The following SEC31A variants were observed in gnomAD, a reference collection of about 807,000 sequenced individuals.
SEC31A encodes the protein protein transport protein Sec31A.
Under a neutral mutation model 151.0 loss-of-function variants are expected in SEC31A, and 70 were observed. The observed-to-expected ratio is 0.46, with a 90% CI of 0.38 to 0.57. SEC31A has a LOEUF of 0.57. Among genes scored for constraint, SEC31A ranks in the 20% least tolerant of loss-of-function variants. The pLI is 0.00. For synonymous variants in SEC31A, 475 were observed against 505.9 expected (o/e 0.94, Z 0.82); for missense variants, 1,330 against 1,471.2 (o/e 0.90, Z 1.57).
Position 82,891,116 on chromosome 4 carries a change from T to C in SEC31A, c.-33A>G, listed in dbSNP as rs766887078. 20 of 1,535,832 alleles carry C rather than the reference T, an allele frequency of 1.3e-5. No individual in the cohort carries two copies. The South Asian group carries it at 2.1e-4, about 16-fold the overall frequency. On this transcript the variant is annotated 5_prime_UTR_variant, in exon 1 of 27. Coordinates refer to ENST00000395310, the MANE Select transcript of SEC31A (RefSeq NM_001077207.4). Reference sequence around the variant, plus strand: ...GCGAGGACCTTCGGCAGCCGGATCCTGCGTTAGTGCAGCGCTCGTCGGACT... The same window carrying C: ...GCGAGGACCTTCGGCAGCCGGATCCCGCGTTAGTGCAGCGCTCGTCGGACT...
In SEC31A at chr4:82,881,212, TC is replaced by T. The variant is rs1315665375; in HGVS notation, c.80-291del. Among the ~76,000 whole-genome samples the T allele has an allele frequency of 3.9e-5, 6 of 152,158 alleles. No homozygotes were observed. The East Asian group carries it at 1.2e-3, about 29-fold the overall frequency. On this transcript the variant is annotated intron_variant, in intron 2 of 26. Coordinates refer to ENST00000395310, the MANE Select transcript of SEC31A (RefSeq NM_001077207.4). ...TGGGCACGGTGGCTCATGCCTGTAA[TC>T]CCAGCACTTTGGGAGGCCGAGATGG... is the stretch of plus-strand genomic sequence containing the variant.
At chr4:82,846,366 C>CATCATCATAATAATA (rs1553928443) in intron 20 of SEC31A, among the ~76,000 whole-genome samples, 10 of 140,546 alleles carry the variant, frequency 7.1e-5, no homozygotes, top group African/African-American at 2.6e-4. Flanking sequence ...AACTCCAAAA[C>CATCATCATAATAATA]ATAATAATAA....
intron 18 of SEC31A, among the ~76,000 whole-genome samples, chr4:82,852,175 C>A (rs890084112): frequency 1.3e-5 from 2 of 152,162 alleles, no homozygotes; most frequent in Non-Finnish European, 2.9e-5. Context: ...GTAAGACGTG[C>A]CTTTGCTCCT....
At chr4:82,889,642 T>C (rs1741807748) in intron 1 of SEC31A, among the ~76,000 whole-genome samples, 1 of 152,042 alleles carries the variant, frequency 6.6e-6, no homozygotes, top group African/African-American at 2.4e-5. Flanking sequence ...CGTAAGACAG[T>C]GAAATCCCCC....
rs764231253 is a variant in SEC31A at position 82,854,947 on chromosome 4, G to A, written c.1964C>T (p.Ala655Val). 2 of 1,613,824 alleles carry A rather than the reference G, an allele frequency of 1.2e-6. No homozygotes were observed. Among genetic ancestry groups the A allele is most frequent in the East Asian group, 2.2e-5 (1 of 44,832 alleles). The change falls in exon 17 of 27, where the codon GCA (alanine) becomes GTA (valine). Residue 655 changes from alanine (A) to valine (V), a missense_variant. By Grantham distance (64) the Ala-to-Val change is moderately conservative. Transcript: ENST00000395310. ...DLKNWREALA[A>V]VLTYAKPDEF... The stretch of plus-strand genomic sequence containing the variant: ...ATCCGGCTTTGCATAAGTCAATACT[G>A]CAGCTAAAGCCTCTCTCCAATTTTT...
chr4:82,868,507 A>T (rs1320601042), intron 8 of SEC31A, among the ~76,000 whole-genome samples: 1 of 113,654 alleles, frequency 8.8e-6, no homozygotes, highest in African/African-American at 2.7e-5. Context: ...ACAAAAAAAT[A>T]ATTAATAGTA....
In SEC31A at chr4:82,819,116, A is replaced by C; in HGVS notation, c.3621T>G (p.Val1207=). Residue 1207 remains valine, a synonymous_variant, in exon 27 of 27, where the codon GTT becomes GTG. Transcript: ENST00000395310. ...NFSETSAFMP[V]LKVVLTQANK... ...TGGCCTGGGTGAGAACAACTTTGAG[A>C]ACTGGCATGAAAGCAGAGGTCTCAC... 1 of 1,612,014 alleles carries C rather than the reference A, an allele frequency of 6.2e-7. No individual in the cohort carries two copies. Among genetic ancestry groups the C allele is most frequent in the Non-Finnish European group, 8.5e-7 (1 of 1,179,010 alleles).
rs748793684 is a variant in SEC31A, at chr4:82,878,862, A to C, written c.270T>G (p.Ile90Met). The C allele has an allele frequency of 6.2e-7, 1 of 1,614,056 alleles. No individual in the cohort carries two copies. The highest frequency in any genetic ancestry group is 1.1e-5 in the South Asian group (1 of 91,082). Reference protein sequence around the residue: ...DSKGDVSGVLIAGGENGNIIL... With the variant: ...DSKGDVSGVLMAGGENGNIIL... Reference sequence around the variant, plus strand: ...TAATATTTCCATTTTCACCACCTGCAATCAGAACTCCAGAGACATCTCCTT... The same window carrying C: ...TAATATTTCCATTTTCACCACCTGCCATCAGAACTCCAGAGACATCTCCTT... The change falls in exon 4 of 27, where the codon ATT (isoleucine) becomes ATG (methionine). Residue 90 changes from isoleucine to methionine, a missense_variant. Coordinates refer to ENST00000395310, the MANE Select transcript of SEC31A (RefSeq NM_001077207.4).
At chr4:82,829,118 T>C in intron 22 of SEC31A, 60 bp from the exon 23 acceptor site, 1 of 1,373,972 alleles carries the variant, frequency 7.3e-7, no homozygotes, top group Non-Finnish European at 1.0e-6. Context: ...AAAATAAAAC[T>C]GAATCGATCA....
upstream of SEC31A, among the ~76,000 whole-genome samples, chr4:82,891,631 T>C (rs1008564968): frequency 6.6e-6 from 1 of 152,244 alleles, no homozygotes; most frequent in Non-Finnish European, 1.5e-5. Flanking sequence ...ACCCACTTGA[T>C]TGCACATTCT....
chr4:82,842,268 G>C lies in SEC31A; in HGVS notation c.2840C>G (p.Pro947Arg), dbSNP rs376680544. 13 of 1,613,950 alleles carry C rather than the reference G, an allele frequency of 8.1e-6. No individual in the cohort carries two copies. Among genetic ancestry groups the C allele is most frequent in the Non-Finnish European group, 1.0e-5 (12 of 1,179,976 alleles). The change falls in exon 22 of 27, where the codon CCT (proline) becomes CGT (arginine). Residue 947 changes from proline to arginine, a missense_variant. Transcript: ENST00000395310. ...SSPATSFPPP[P>R]SSGASFQHGG... is the part of the protein sequence containing the mutation. ...ATGCTGGAAGGATGCTCCAGAGGAA[G>C]GGGGAGGAGGGAAAGAAGTAGCAGG...
At chr4:82,861,112 G>A (rs554429736) in intron 14 of SEC31A, among the ~76,000 whole-genome samples, 36 of 149,888 alleles carry the variant, frequency 2.4e-4, no homozygotes, top group African/African-American at 8.5e-4. Context: ...AAAAATTAAT[G>A]ATGTAACTCT....
intron 8 of SEC31A, among the ~76,000 whole-genome samples, chr4:82,869,878 A>G (rs1305959042): frequency 6.6e-6 from 1 of 152,186 alleles, no homozygotes; most frequent in African/African-American, 2.4e-5. Context: ...AAAAGCTATA[A>G]TTTATATTCT....
In SEC31A at chr4:82,866,981, A is replaced by G. The variant is rs760997103; in HGVS notation, c.1045-21T>C. The stretch of plus-strand genomic sequence containing the variant: ...GAAAGCTAAAAAAGATAATAATAAC[A>G]TAAGCATCCGACCATACACAAAGTT... On this transcript the variant is annotated intron_variant, in intron 9 of 26. Transcript: ENST00000395310. 2.5e-6 allele frequency: 4 copies of G among 1,604,170 alleles called. No individual in the cohort carries two copies. The South Asian group carries it at 4.5e-5, about 18-fold the overall frequency.
At chr4:82,899,194 CG>C (rs904883436) in intron 3 of SEC31A, among the ~76,000 whole-genome samples, 9 of 152,074 alleles carry the variant, frequency 5.9e-5, no homozygotes, top group African/African-American at 1.9e-4. Flanking sequence ...GTTTGCTGAG[CG>C]GGGTGGGGGA....
chr4:82,887,393 A>G (rs1740975942), intron 1 of SEC31A, among the ~76,000 whole-genome samples: 1 of 143,690 alleles, frequency 7.0e-6, no homozygotes, highest in Admixed American at 6.7e-5. Context: ...ACATTGAGAA[A>G]AGAAAAGAAA....
At chr4:82,835,313 T>TA (rs1205908647) in intron 22 of SEC31A, among the ~76,000 whole-genome samples, 3 of 151,926 alleles carry the variant, frequency 2.0e-5, no homozygotes, top group African/African-American at 7.3e-5. Flanking sequence ...GGTCAACGCT[T>TA]AAAAAAAATA....
At chr4:82,897,082 C>G (rs560248734) in intron 3 of SEC31A, among the ~76,000 whole-genome samples, 1 of 152,250 alleles carries the variant, frequency 6.6e-6, no homozygotes, top group East Asian at 1.9e-4. Context: ...CCTTTCATCA[C>G]TGCTCAAAAG....
intron 25 of SEC31A, 194 bp from the exon 26 acceptor site, chr4:82,821,302 A>G (rs1723261905): frequency 2.0e-6 from 1 of 510,346 alleles, no homozygotes; most frequent in African/African-American, 2.0e-5. Flanking sequence ...TAATCCCAGC[A>G]CTTTGGGAGA....
Sources: allele counts gnomAD v4.1 joint callset (sites outside exome capture counted in the v4.1 genomes callset), GRCh38; gene constraint gnomAD v4.1.1; transcripts MANE v1.5; gene names NCBI Gene and HGNC (gene_info 2026-07-23, HGNC 2026-07-21).